The following RORA variants were observed in gnomAD, a reference collection of about 807,000 sequenced individuals.
RORA encodes the protein nuclear receptor ROR-alpha.
In RORA, 7 loss-of-function variants were observed where a neutral mutation model predicts 69.5. The observed-to-expected ratio is 0.10, with a 90% CI of 0.06 to 0.19. The LOEUF is 0.19. RORA is among the 10% of genes least tolerant of loss of function. The probability of loss-of-function intolerance (pLI) is 1.00; values close to 1 mark genes in which losing one functional copy is unlikely to be tolerated. For synonymous variants in RORA, 261 were observed against 240.8 expected, an observed-to-expected ratio of 1.08 and a Z score of -0.78; for missense variants, 457 against 663.0, an observed-to-expected ratio of 0.69 and a Z score of 3.41.
chr15:60,605,223 C>A lies in RORA; in HGVS notation c.197-73372G>T, dbSNP rs567366712. Among the ~76,000 whole-genome samples, 31 of 149,998 alleles carry A rather than the reference C, an allele frequency of 2.1e-4. No homozygotes were observed. In the East Asian group the frequency reaches 5.5e-3, roughly 26 times the overall value. ...AACTGATAATTTGTCTACTCCATTTCAAAAAAAAAAATTCCTGAATGTTTA... is the reference window on the plus strand; with the variant it reads ...AACTGATAATTTGTCTACTCCATTTAAAAAAAAAAAATTCCTGAATGTTTA... On this transcript the variant is annotated intron_variant, in intron 2 of 10. Transcript: ENST00000335670.
chr15:61,221,626 ACACGCCTAC>A (rs1232318865), intron 1 of RORA, among the ~76,000 whole-genome samples: 2 of 152,130 alleles, frequency 1.3e-5, no homozygotes, highest in African/African-American at 2.4e-5. Context: ...CTTCTTTCAC[ACACGCCTAC>A]CACTTACGTA....
intron 1 of RORA, among the ~76,000 whole-genome samples, chr15:61,051,186 G>C (rs192439494): frequency 3.9e-5 from 6 of 152,224 alleles, no homozygotes; most frequent in Middle Eastern, 3.2e-3. Context: ...GAAGAGGGGA[G>C]TGAGGCACTC....
chr15:60,750,994 G>A (rs1228668726), intron 1 of RORA, among the ~76,000 whole-genome samples: 1 of 152,208 alleles, frequency 6.6e-6, no homozygotes, highest in Admixed American at 6.5e-5. Context: ...TGAGGACTTG[G>A]CTGGCAGAAG....
chr15:61,114,453 T>C (rs2079033188), intron 1 of RORA, among the ~76,000 whole-genome samples: 2 of 152,296 alleles, frequency 1.3e-5, no homozygotes, highest in South Asian at 4.1e-4. Context: ...AAATGCAGTG[T>C]TGTTAGGCCT....
At chr15:61,109,317 G>C (rs1474965346) in intron 1 of RORA, among the ~76,000 whole-genome samples, 2 of 152,170 alleles carry the variant, frequency 1.3e-5, no homozygotes, top group African/African-American at 2.4e-5. Context: ...TTACTATTGA[G>C]TCCTTGGAAC....
chr15:60,504,495 C>T (rs1170415615), intron 6 of RORA, among the ~76,000 whole-genome samples: 4 of 152,034 alleles, frequency 2.6e-5, no homozygotes, highest in African/African-American at 2.4e-5. Flanking sequence ...TGCAGTGAGC[C>T]GAGATTGCGC....
intron 1 of RORA, among the ~76,000 whole-genome samples, chr15:60,923,567 G>A (rs1180495794): frequency 1.3e-5 from 2 of 152,022 alleles, no homozygotes; most frequent in African/African-American, 4.8e-5. Context: ...TGATTTCTAG[G>A]GTCTCTCCCA....
chr15:60,639,982 T>C lies in RORA; in HGVS notation c.196+38675A>G, dbSNP rs1596087389. Among the ~76,000 whole-genome samples, 3 of 152,308 alleles carry C rather than the reference T, an allele frequency of 2.0e-5. No individual in the cohort carries two copies. The South Asian group carries it at 6.2e-4, about 32-fold the overall frequency. On this transcript the variant is annotated intron_variant, in intron 2 of 10. Transcript: ENST00000335670. ...CCTATCATTGCTTTGGAAAACACTG[T>C]TGTATCGTGGAGGGAGACTGTGAGA...
intron 1 of RORA, among the ~76,000 whole-genome samples, chr15:61,016,030 G>A (rs1300232788): frequency 6.6e-6 from 1 of 152,194 alleles, no homozygotes; most frequent in East Asian, 1.9e-4. Flanking sequence ...AACTAGCAGT[G>A]GCAGCCTGGA....
intron 1 of RORA, among the ~76,000 whole-genome samples, chr15:61,005,947 T>TTTTG (rs922414108): frequency 6.7e-6 from 1 of 149,858 alleles, no homozygotes; most frequent in African/African-American, 2.4e-5. Flanking sequence ...TATATATATT[T>TTTTG]TTTGTTTGTT....
intron 1 of RORA, among the ~76,000 whole-genome samples, chr15:60,896,235 G>T (rs555118365): frequency 6.6e-6 from 1 of 152,288 alleles, no homozygotes; most frequent in South Asian, 2.1e-4. Flanking sequence ...TTCCCAGATG[G>T]TCACACTCTT....
intron 3 of RORA, among the ~76,000 whole-genome samples, chr15:60,522,854 G>A (rs190776828): frequency 0.029 from 4,398 of 150,160 alleles, 94 homozygotes; most frequent in Non-Finnish European, 0.041. Context: ...GGCAGATCAC[G>A]AGGTCAGGAG....
chr15:60,943,915 C>CCAAAAAAAAAAAAAAAAAAAAAAA, intron 1 of RORA, among the ~76,000 whole-genome samples: 1 of 5,458 alleles, frequency 1.8e-4, no homozygotes, highest in East Asian at 2.3e-3. Flanking sequence ...GACTCCATCT[C>CCAAAAAAAAAAAAAAAAAAAAAAA]CAAAAAAAAA....
intron 1 of RORA, among the ~76,000 whole-genome samples, chr15:60,756,082 C>T (rs1242059492): frequency 1.3e-5 from 2 of 152,130 alleles, no homozygotes; most frequent in African/African-American, 2.4e-5. Context: ...CTGAGGGAAA[C>T]CCAGGGTTTC....
intron 1 of RORA, among the ~76,000 whole-genome samples, chr15:60,805,986 A>G (rs2072654964): frequency 6.6e-6 from 1 of 152,168 alleles, no homozygotes; most frequent in African/African-American, 2.4e-5. Flanking sequence ...TGTCCCAGGA[A>G]TCTGTAGGGG....
chr15:60,648,125 C>T (rs372864344), intron 2 of RORA, among the ~76,000 whole-genome samples: 12 of 152,206 alleles, frequency 7.9e-5, no homozygotes, highest in Non-Finnish European at 1.0e-4. Flanking sequence ...GAAAGCATGA[C>T]GGTGTCTCAT....
intron 1 of RORA, among the ~76,000 whole-genome samples, chr15:60,796,155 G>A (rs187014519): frequency 2.8e-4 from 42 of 152,276 alleles, no homozygotes; most frequent in African/African-American, 8.2e-4. Flanking sequence ...TCCTGGGTGC[G>A]GGAACCAGGC....
intron 1 of RORA, among the ~76,000 whole-genome samples, chr15:61,050,794 TA>T (rs1259725578): frequency 6.6e-6 from 1 of 152,236 alleles, no homozygotes; most frequent in Non-Finnish European, 1.5e-5. Flanking sequence ...GATTGCTCTT[TA>T]ATTCTTATCA....
chr15:60,852,570 G>GA lies in RORA; in HGVS notation c.167-173885dup, dbSNP rs556113769. 2.1e-4 allele frequency among the ~76,000 whole-genome samples: 32 copies of GA among 152,186 alleles called. 1 individual carries two copies. The East Asian group carries it at 6.2e-3, about 29-fold the overall frequency. ...AGTCAGCTTCGCTTTGACAAGTAGT[G>GA]AAAAAAAGCTATCTGAGGAAACAAG... On this transcript the variant is annotated intron_variant, in intron 1 of 10. Coordinates refer to ENST00000335670, the MANE Select transcript of RORA (RefSeq NM_134261.3).
Sources: allele counts gnomAD v4.1 joint callset (sites outside exome capture counted in the v4.1 genomes callset), GRCh38; gene constraint gnomAD v4.1.1; transcripts MANE v1.5; gene names NCBI Gene and HGNC (gene_info 2026-07-23, HGNC 2026-07-21).